Variants in ESR1 observed in about 807,000 individuals in gnomAD.
ESR1 encodes estrogen receptor.
ESR1 carries 12 observed loss-of-function variants against 52.7 expected under a neutral mutation model. That is an observed-to-expected ratio of 0.23 (90% confidence interval 0.15 to 0.37). The LOEUF is 0.37. Among genes scored for constraint, ESR1 ranks in the 10% least tolerant of loss-of-function variants. ESR1 has a pLI of 1.00. For missense variants in ESR1, 584 were observed against 779.7 expected, an observed-to-expected ratio of 0.75 and a Z score of 2.99; for synonymous variants, 305 against 316.8, an observed-to-expected ratio of 0.96 and a Z score of 0.39.
chr6:151,894,085 C>A (rs1331354216), intron 3 of ESR1, among the ~76,000 whole-genome samples: 1 of 152,146 alleles, frequency 6.6e-6, no homozygotes, highest in Non-Finnish European at 1.5e-5. Context: ...TTGAAAATGG[C>A]CATTCTTGTG....
At chr6:151,884,831 A>G (rs1447549125) in intron 3 of ESR1, among the ~76,000 whole-genome samples, 1 of 152,154 alleles carries the variant, frequency 6.6e-6, no homozygotes, top group Admixed American at 6.5e-5. Context: ...GTTGTAGATT[A>G]CATGTCTCTT....
intron 2 of ESR1, among the ~76,000 whole-genome samples, chr6:151,767,241 A>G (rs1562389531): frequency 6.6e-6 from 1 of 152,192 alleles, no homozygotes; most frequent in South Asian, 2.1e-4. Context: ...TTACAACTTT[A>G]TTCTCTTGAT....
At chr6:152,056,732 G>A (rs2047136040) in intron 5 of ESR1, among the ~76,000 whole-genome samples, 1 of 152,186 alleles carries the variant, frequency 6.6e-6, no homozygotes, top group Admixed American at 6.5e-5. Context: ...GAGGTGCTCT[G>A]AAAACCAGAC....
At chr6:151,948,986 A>G (rs1189316124) in intron 4 of ESR1, among the ~76,000 whole-genome samples, 1 of 152,186 alleles carries the variant, frequency 6.6e-6, no homozygotes, top group Non-Finnish European at 1.5e-5. Context: ...GAAAGTCTTA[A>G]TTTTAAGAAG....
At chr6:151,836,121 A>T (rs1212108829) in intron 1 of ESR1, among the ~76,000 whole-genome samples, 1 of 152,196 alleles carries the variant, frequency 6.6e-6, no homozygotes, top group African/African-American at 2.4e-5. Flanking sequence ...AAAAACAAGG[A>T]ATTCAAAGAA....
chr6:151,814,142 G>A (rs1298793365), intron 1 of ESR1: 1 of 152,136 alleles, frequency 6.6e-6, no homozygotes, highest in South Asian at 2.1e-4. Flanking sequence ...CTACTTCCTG[G>A]GCAGTTTTCT....
intron 5 of ESR1, among the ~76,000 whole-genome samples, chr6:152,058,864 G>A (rs2047317892): frequency 6.6e-6 from 1 of 152,100 alleles, no homozygotes; most frequent in South Asian, 2.1e-4. Flanking sequence ...CTTTCTTTTG[G>A]TTGATAAGCA....
chr6:152,012,052 A>T (rs200793574), intron 5 of ESR1, among the ~76,000 whole-genome samples: 10 of 143,442 alleles, frequency 7.0e-5, no homozygotes, highest in East Asian at 2.1e-4. Context: ...ACACACTCAC[A>T]CTCTCTCTCT....
intron 4 of ESR1, among the ~76,000 whole-genome samples, chr6:151,961,802 G>A (rs1023453886): frequency 6.6e-6 from 1 of 152,164 alleles, no homozygotes. Context: ...ATGGAATGGG[G>A]AAGGAAAGTA....
intron 4 of ESR1, 147 bp downstream of exon 4, chr6:151,944,655 T>G (rs1350535372): frequency 2.8e-6 from 2 of 705,120 alleles, no homozygotes; most frequent in Admixed American, 2.1e-5. Flanking sequence ...ATTTTCAGTA[T>G]CAATACACTG....
chr6:151,679,119 G>A (rs1231618836), intron 1 of ESR1, among the ~76,000 whole-genome samples: 1 of 152,176 alleles, frequency 6.6e-6, no homozygotes, highest in East Asian at 1.9e-4. Context: ...TTAAACAGAA[G>A]TATGAATTGC....
chr6:151,895,001 A>G (rs1016419231), intron 3 of ESR1, among the ~76,000 whole-genome samples: 2 of 151,872 alleles, frequency 1.3e-5, no homozygotes, highest in African/African-American at 4.8e-5. Context: ...CACAATATTG[A>G]TTCTACTCAT....
intron 4 of ESR1, among the ~76,000 whole-genome samples, chr6:152,011,447 C>T (rs1460895820): frequency 1.3e-5 from 2 of 152,090 alleles, no homozygotes; most frequent in African/African-American, 2.4e-5. Flanking sequence ...GACACTATGG[C>T]ACTAAGAAAC....
downstream of ESR1, among the ~76,000 whole-genome samples, chr6:152,106,378 GTTA>G (rs2051067568): frequency 6.6e-6 from 1 of 152,156 alleles, no homozygotes; most frequent in African/African-American, 2.4e-5. Flanking sequence ...GTGGATTTGA[GTTA>G]CTGTCTGGTG....
intron 4 of ESR1, among the ~76,000 whole-genome samples, chr6:151,946,715 G>A (rs2035744207): frequency 6.6e-6 from 1 of 152,122 alleles, no homozygotes; most frequent in African/African-American, 2.4e-5. Flanking sequence ...GTTTGTGTGT[G>A]TTCCATGGGA....
At chr6:152,002,517 T>C (rs2042036847) in intron 4 of ESR1, among the ~76,000 whole-genome samples, 1 of 152,038 alleles carries the variant, frequency 6.6e-6, no homozygotes, top group Non-Finnish European at 1.5e-5. Context: ...CTTGTTGACT[T>C]TTCGGATGCA....
chr6:151,835,881 T>C (rs1256220877), intron 1 of ESR1, among the ~76,000 whole-genome samples: 3 of 152,196 alleles, frequency 2.0e-5, no homozygotes, highest in African/African-American at 4.8e-5. Context: ...GTGTATTTTC[T>C]GGAAAAGATA....
At chr6:151,995,302 C>T (rs987486639) in intron 4 of ESR1, among the ~76,000 whole-genome samples, 4 of 152,140 alleles carry the variant, frequency 2.6e-5, no homozygotes, top group Admixed American at 2.6e-4. Context: ...TCTTTCCATC[C>T]ATCTGTCCAT....
intron 1 of ESR1, among the ~76,000 whole-genome samples, chr6:151,825,006 A>G (rs1781250863): frequency 6.6e-6 from 1 of 152,210 alleles, no homozygotes; most frequent in African/African-American, 2.4e-5. Context: ...TGAGTATTAT[A>G]AAAATAGCAC....
Sources: gnomAD v4.1 joint callset for allele counts (sites outside exome capture counted in the v4.1 genomes callset) on GRCh38, gnomAD v4.1.1 for gene constraint, MANE v1.5 for transcripts, NCBI Gene and HGNC (gene_info 2026-07-23, HGNC 2026-07-21) for gene names.